Variants in ADAMTS2 observed in about 807,000 individuals in gnomAD.
The protein encoded by ADAMTS2 is ADAM metallopeptidase with thrombospondin type 1 motif 2, also known as A disintegrin and metalloproteinase with thrombospondin motifs 2.
In ADAMTS2, 50 loss-of-function variants were observed where a neutral mutation model predicts 123.0. The ratio of observed to expected loss-of-function variants is 0.41; its 90% CI spans 0.32 to 0.51. ADAMTS2 has a LOEUF of 0.51. Ranked by LOEUF, ADAMTS2 falls within the 20% of genes least tolerant of loss-of-function variation. The probability of loss-of-function intolerance (pLI) is 0.35; values close to 1 mark genes in which losing one functional copy is unlikely to be tolerated. For missense variants in ADAMTS2, 1,494 were observed against 1,705.2 expected (o/e 0.88, Z 2.18); for synonymous variants, 678 against 695.4 (o/e 0.98, Z 0.39).
intron 3 of ADAMTS2, among the ~76,000 whole-genome samples, chr5:179,258,514 G>A (rs902928631): frequency 2.0e-5 from 3 of 152,172 alleles, no homozygotes; most frequent in African/African-American, 7.2e-5. Context: ...GTCAAAGGCA[G>A]AGCATGAGGA....
At chr5:179,253,067 G>A (rs756417613) in intron 3 of ADAMTS2, among the ~76,000 whole-genome samples, 5 of 152,080 alleles carry the variant, frequency 3.3e-5, no homozygotes, top group South Asian at 2.1e-4. Context: ...CAGCAATGTC[G>A]GCTTGCCTTT....
In ADAMTS2 at chr5:179,314,241, G is replaced by A. The variant is rs1434294490; in HGVS notation, c.534+29526C>T. 1.3e-5 allele frequency among the ~76,000 whole-genome samples: 2 copies of A among 152,140 alleles called. No homozygotes were observed. ...CCCATCCTGCCCCTCCCACCGGGTC[G>A]GCCCTGTCCTTGTCTTGCTCAGCTC... is the stretch of plus-strand genomic sequence containing the variant. On this transcript the variant is annotated intron_variant, in intron 2 of 21. Coordinates refer to ENST00000251582, the MANE Select transcript of ADAMTS2 (RefSeq NM_014244.5). This position sits in a 1 kb window ranked among gnomAD's most constrained non-coding sequence, Gnocchi z 4.5.
intron 10 of ADAMTS2, among the ~76,000 whole-genome samples, chr5:179,142,958 G>A (rs1377958537): frequency 6.6e-6 from 1 of 152,184 alleles, no homozygotes; most frequent in African/African-American, 2.4e-5. Context: ...AAATGAAGCA[G>A]GTGACAGAAA....
chr5:179,203,797 G>A (rs992597332), intron 4 of ADAMTS2, among the ~76,000 whole-genome samples: 6 of 152,206 alleles, frequency 3.9e-5, no homozygotes, highest in East Asian at 1.9e-4. Context: ...GGGAAACAGC[G>A]TGGAAACTCC....
At chr5:179,159,915 T>C (rs929272140) in intron 5 of ADAMTS2, among the ~76,000 whole-genome samples, 6 of 152,224 alleles carry the variant, frequency 3.9e-5, no homozygotes, top group Non-Finnish European at 7.3e-5. Context: ...CCCTTCCTTT[T>C]TTCCTCCACA....
rs534348628 is a variant in ADAMTS2 at position 179,204,299 on chromosome 5, C to T, written c.891+3214G>A. On this transcript the variant is annotated intron_variant, in intron 4 of 21. Transcript: ENST00000251582. The stretch of plus-strand genomic sequence containing the variant: ...TGGCCCAGCCACATGAATGTGCTTA[C>T]GCCACCGAATCGCACGCTTAAAAAT... 1.0e-3 allele frequency among the ~76,000 whole-genome samples: 157 copies of T among 152,310 alleles called. 1 individual carries two copies. Among genetic ancestry groups the T allele is most frequent in the African/African-American group, 3.6e-3 (150 of 41,566 alleles).
At chr5:179,283,951 T>G (rs995125114) in intron 2 of ADAMTS2, among the ~76,000 whole-genome samples, 20 of 90,814 alleles carry the variant, frequency 2.2e-4, no homozygotes, top group East Asian at 2.2e-3. Flanking sequence ...AGATGATTAT[T>G]ATTATTATTA....
intron 3 of ADAMTS2, among the ~76,000 whole-genome samples, chr5:179,261,066 CA>C (rs926515500): frequency 1.3e-4 from 20 of 152,166 alleles, no homozygotes; most frequent in Admixed American, 9.8e-4. Context: ...CTAACGCTAA[CA>C]AAACTGGAAA....
Position 179,272,016 on chromosome 5 carries a change from G to A in ADAMTS2, c.688+895C>T, listed in dbSNP as rs1403951428. ...CCTCACCCAGGGGTCCTGACCAGAG[G>A]CTGAGGGCTGAGCTCGCAGCTTCCC... On this transcript the variant is annotated intron_variant, in intron 3 of 21. Coordinates refer to ENST00000251582, the MANE Select transcript of ADAMTS2 (RefSeq NM_014244.5). This position sits in a 1 kb window ranked among gnomAD's most constrained non-coding sequence, Gnocchi z 5.8. Among the ~76,000 whole-genome samples, 1 of 152,206 alleles carries A rather than the reference G, an allele frequency of 6.6e-6. No homozygotes were observed. Among genetic ancestry groups the A allele is most frequent in the Non-Finnish European group, 1.5e-5 (1 of 68,050 alleles).
intron 3 of ADAMTS2, among the ~76,000 whole-genome samples, chr5:179,259,429 G>T (rs1409208707): frequency 6.6e-6 from 1 of 152,262 alleles, no homozygotes; most frequent in Non-Finnish European, 1.5e-5. Flanking sequence ...TGCTGTGCGT[G>T]CCGGGTAAAG....
At chr5:179,278,756 G>A (rs1486586418) in intron 2 of ADAMTS2, among the ~76,000 whole-genome samples, 1 of 152,010 alleles carries the variant, frequency 6.6e-6, no homozygotes, top group Non-Finnish European at 1.5e-5. Context: ...AGGTGCCACC[G>A]CAGGGGCCCA....
intron 4 of ADAMTS2, among the ~76,000 whole-genome samples, chr5:179,205,305 A>T (rs1031722541): frequency 6.6e-6 from 1 of 152,232 alleles, no homozygotes; most frequent in Non-Finnish European, 1.5e-5. Flanking sequence ...GACTGTCACT[A>T]AACAGTGCCA....
intron 2 of ADAMTS2, among the ~76,000 whole-genome samples, chr5:179,335,018 TATCA>T (rs1248574384): frequency 6.6e-6 from 1 of 152,226 alleles, no homozygotes; most frequent in Non-Finnish European, 1.5e-5. Context: ...TTTAATTTAC[TATCA>T]ATCAAATTCA....
chr5:179,183,288 G>A (rs1193716212), intron 4 of ADAMTS2, among the ~76,000 whole-genome samples: 2 of 152,216 alleles, frequency 1.3e-5, no homozygotes, highest in African/African-American at 4.8e-5. Context: ...TCACGACAAA[G>A]CTTGGCCAGC....
intron 19 of ADAMTS2, among the ~76,000 whole-genome samples, chr5:179,124,222 CCT>C (rs943444544): frequency 2.3e-4 from 35 of 152,180 alleles, no homozygotes; most frequent in Non-Finnish European, 1.2e-4. Flanking sequence ...TTGGGGAGCC[CCT>C]GACACACGCT....
intron 13 of ADAMTS2, among the ~76,000 whole-genome samples, chr5:179,135,197 G>C (rs1327159042): frequency 2.9e-5 from 3 of 103,710 alleles, no homozygotes; most frequent in African/African-American, 9.9e-5. Flanking sequence ...GCCCCCAGCC[G>C]CTGTCCCTGC....
Position 179,344,527 on chromosome 5 carries a change from G to T in ADAMTS2, c.140-366C>A, listed in dbSNP as rs531550271. 9.8e-5 allele frequency among the ~76,000 whole-genome samples: 15 copies of T among 152,350 alleles called. 1 individual carries two copies. The highest frequency in any genetic ancestry group is 9.8e-4 in the Admixed American group (15 of 15,304). On this transcript the variant is annotated intron_variant, in intron 1 of 21. Coordinates refer to ENST00000251582, the MANE Select transcript of ADAMTS2 (RefSeq NM_014244.5). ...TTGCACCTACCGTCCTTGGCAGGAC[G>T]TGGAGCTGCTCGGAAGCCATTCCGG...
intron 10 of ADAMTS2, among the ~76,000 whole-genome samples, chr5:179,146,360 AT>A (rs912245230): frequency 6.6e-6 from 1 of 152,066 alleles, no homozygotes; most frequent in Non-Finnish European, 1.5e-5. Flanking sequence ...GGATGATGAC[AT>A]TTGGAGGAGG....
chr5:179,270,818 G>A (rs531402524), intron 3 of ADAMTS2, among the ~76,000 whole-genome samples: 1 of 152,340 alleles, frequency 6.6e-6, no homozygotes, highest in African/African-American at 2.4e-5. Flanking sequence ...GAAGGCCCGA[G>A]CCCCTCATGC....
Sources: allele counts gnomAD v4.1 joint callset (sites outside exome capture counted in the v4.1 genomes callset), GRCh38; gene constraint gnomAD v4.1.1; non-coding constraint Gnocchi (gnomAD v3.1); transcripts MANE v1.5; gene names NCBI Gene and HGNC (gene_info 2026-07-23, HGNC 2026-07-21).